Variants in CACNA1C observed in about 807,000 individuals in gnomAD.
The protein encoded by CACNA1C is calcium voltage-gated channel subunit alpha1 C.
In CACNA1C, 30 loss-of-function variants were observed where a neutral mutation model predicts 229.0. The ratio of observed to expected loss-of-function variants is 0.13; its 90% CI spans 0.10 to 0.18. CACNA1C has a LOEUF of 0.18. CACNA1C is among the 10% of genes least tolerant of loss of function. The probability of loss-of-function intolerance (pLI) is 1.00; values close to 1 mark genes in which losing one functional copy is unlikely to be tolerated. For synonymous variants in CACNA1C, 1,114 were observed against 1,132.5 expected, an observed-to-expected ratio of 0.98 and a Z score of 0.33; for missense variants, 1,658 against 2,845.0, an observed-to-expected ratio of 0.58 and a Z score of 9.49.
intron 3 of CACNA1C, among the ~76,000 whole-genome samples, chr12:2,325,444 T>G (rs2096248652): frequency 6.6e-6 from 1 of 152,220 alleles, no homozygotes; most frequent in Non-Finnish European, 1.5e-5. Context: ...TAGTTGAAAT[T>G]TGTTCTTTTT....
intron 3 of CACNA1C, among the ~76,000 whole-genome samples, chr12:2,436,878 T>C (rs1037408624): frequency 6.6e-6 from 1 of 152,190 alleles, no homozygotes; most frequent in Non-Finnish European, 1.5e-5. Context: ...AGGACCTCAG[T>C]TTTTCCCACC....
At chr12:2,005,146 GAAAA>G (rs71441670) in intron 1 of CACNA1C, among the ~76,000 whole-genome samples, 3 of 131,072 alleles carry the variant, frequency 2.3e-5, no homozygotes, top group Admixed American at 7.6e-5. Flanking sequence ...AGTTACAAAA[GAAAA>G]AAAAAAAAAG....
chr12:2,632,409 C>T lies in CACNA1C; in HGVS notation c.3829-1888C>T, dbSNP rs1399347146. ...CATCGCTGTGCAGGCCCCTACACCT[C>T]CTACACCCAAGAAATCCATCTGCTA... On this transcript the variant is annotated intron_variant, in intron 29 of 46. Transcript: ENST00000399655. This position sits in a 1 kb window ranked among gnomAD's most constrained non-coding sequence, Gnocchi z 4.1. Among the ~76,000 whole-genome samples the T allele has an allele frequency of 6.6e-6, 1 of 152,020 alleles. No individual in the cohort carries two copies. Among genetic ancestry groups the T allele is most frequent in the East Asian group, 1.9e-4 (1 of 5,174 alleles).
At chr12:2,121,606 G>A (rs959314470) in intron 3 of CACNA1C, among the ~76,000 whole-genome samples, 1 of 152,202 alleles carries the variant, frequency 6.6e-6, no homozygotes, top group African/African-American at 2.4e-5. Flanking sequence ...GCACACCACT[G>A]AGTGATGGCA....
At chr12:2,590,981 T>C (rs947636959) in intron 18 of CACNA1C, among the ~76,000 whole-genome samples, 1 of 152,218 alleles carries the variant, frequency 6.6e-6, no homozygotes, top group East Asian at 1.9e-4. Flanking sequence ...GACTTTTCTT[T>C]TACATACCAA....
At chr12:2,294,785 G>T (rs1354863956) in intron 3 of CACNA1C, among the ~76,000 whole-genome samples, 1 of 152,134 alleles carries the variant, frequency 6.6e-6, no homozygotes, top group East Asian at 1.9e-4. Context: ...TGGTCACACT[G>T]ACCCAGACAA....
rs1029538714 is a variant in CACNA1C, at chr12:2,282,595, T to C, written c.477+162165T>C. On this transcript the variant is annotated intron_variant, in intron 3 of 46. Coordinates refer to ENST00000399655, the MANE Select transcript of CACNA1C (RefSeq NM_000719.7). ...ACTCCTTCCCTCACAGCTCATGGGATCAGAGTCAGCTGTGCCTGCTGAATG... is the reference window on the plus strand; with the variant it reads ...ACTCCTTCCCTCACAGCTCATGGGACCAGAGTCAGCTGTGCCTGCTGAATG... Among the ~76,000 whole-genome samples, 8 of 152,166 alleles carry C rather than the reference T, an allele frequency of 5.3e-5. No homozygotes were observed. In the East Asian group the frequency reaches 1.5e-3, roughly 29 times the overall value.
At chr12:2,225,505 C>G (rs928507764) in intron 3 of CACNA1C, among the ~76,000 whole-genome samples, 2 of 152,160 alleles carry the variant, frequency 1.3e-5, no homozygotes, top group Admixed American at 6.5e-5. Flanking sequence ...CCAAGTCATG[C>G]AAGAACCTGG....
chr12:2,111,098 C>G (rs916784299), intron 1 of CACNA1C, among the ~76,000 whole-genome samples: 14 of 152,230 alleles, frequency 9.2e-5, no homozygotes, highest in Admixed American at 4.6e-4. Flanking sequence ...CTGCCAGGAC[C>G]AAAATAGTGT....
At chr12:2,243,219 G>A (rs1242605207) in intron 3 of CACNA1C, among the ~76,000 whole-genome samples, 1 of 152,186 alleles carries the variant, frequency 6.6e-6, no homozygotes, top group Non-Finnish European at 1.5e-5. Flanking sequence ...GATTTGATAT[G>A]TCATGATCTT....
At chr12:2,607,627 C>T (rs1427509497) in intron 26 of CACNA1C, among the ~76,000 whole-genome samples, 1 of 152,236 alleles carries the variant, frequency 6.6e-6, no homozygotes, top group Non-Finnish European at 1.5e-5. Flanking sequence ...GGGATGGAAG[C>T]CCGGGCCCCA....
rs141847241 is a variant in CACNA1C at position 2,354,062 on chromosome 12, G to A, written c.478-94914G>A. Among the ~76,000 whole-genome samples the A allele has an allele frequency of 3.3e-5, 5 of 152,296 alleles. No homozygotes were observed. The highest frequency in any genetic ancestry group is 7.2e-5 in the African/African-American group (3 of 41,580). On this transcript the variant is annotated intron_variant, in intron 3 of 46. Transcript: ENST00000399655. This position sits in a 1 kb window ranked among gnomAD's most constrained non-coding sequence, Gnocchi z 4.6. ...TGCCCAGCGACCACTGCAGGGTCCC[G>A]GGAGCTGGGTGAAAGTGGCAGAGCT...
rs2092580181 is a variant in CACNA1C, at chr12:2,285,786, G to A, written c.478-163190G>A. On this transcript the variant is annotated intron_variant, in intron 3 of 46. Transcript: ENST00000399655. The surrounding 1 kb of genome is among the most constrained non-coding windows in gnomAD (Gnocchi z 4.2). ...AGAGGCTGGTGCGCACCTACCCAGC[G>A]GCTTTTTGGGCGGCAGTGGAAGGGA... Among the ~76,000 whole-genome samples, 1 of 152,132 alleles carries A rather than the reference G, an allele frequency of 6.6e-6. No individual in the cohort carries two copies. Among genetic ancestry groups the A allele is most frequent in the Admixed American group, 6.6e-5 (1 of 15,266 alleles).
chr12:2,530,482 C>T (rs1350765988), intron 9 of CACNA1C, among the ~76,000 whole-genome samples: 2 of 152,200 alleles, frequency 1.3e-5, no homozygotes, highest in Non-Finnish European at 2.9e-5. Flanking sequence ...AGTGGCCATC[C>T]TAAAGATTTC....
At chr12:2,574,885 GTGGTTCTCCTT>G (rs1449381807) in intron 13 of CACNA1C, among the ~76,000 whole-genome samples, 1 of 152,216 alleles carries the variant, frequency 6.6e-6, no homozygotes, top group Non-Finnish European at 1.5e-5. Flanking sequence ...AACACAATGG[GTGGTTCTCCTT>G]TGGTATGGGA....
At chr12:2,031,160 A>G (rs2470396) in intron 1 of CACNA1C, among the ~76,000 whole-genome samples, 94,796 of 152,164 alleles carry the variant, frequency 0.62, 31,921 homozygotes, top group African/African-American at 0.88. Context: ...CTAAGTGCCC[A>G]TGGGCATCCT....
intron 1 of CACNA1C, among the ~76,000 whole-genome samples, chr12:2,110,572 C>T (rs1401918446): frequency 6.6e-6 from 1 of 152,194 alleles, no homozygotes; most frequent in African/African-American, 2.4e-5. Flanking sequence ...CTAACAAAAG[C>T]CGTCAGGGAC....
At chr12:2,425,525 G>A (rs2099021530) in intron 3 of CACNA1C, among the ~76,000 whole-genome samples, 1 of 152,200 alleles carries the variant, frequency 6.6e-6, no homozygotes, top group Admixed American at 6.5e-5. Flanking sequence ...TGGGACAACA[G>A]CAAGTCACAT....
chr12:2,369,357 A>G (rs1041545856), intron 3 of CACNA1C, among the ~76,000 whole-genome samples: 3 of 152,020 alleles, frequency 2.0e-5, no homozygotes, highest in African/African-American at 7.2e-5. Flanking sequence ...GGGCGAGGGC[A>G]GGGACTGGAT....
Sources: allele counts gnomAD v4.1 joint callset (sites outside exome capture counted in the v4.1 genomes callset), GRCh38; gene constraint gnomAD v4.1.1; non-coding constraint Gnocchi (gnomAD v3.1); transcripts MANE v1.5; gene names NCBI Gene and HGNC (gene_info 2026-07-23, HGNC 2026-07-21).